The following DRC11 variants were observed in gnomAD, a reference collection of about 807,000 sequenced individuals.
The protein encoded by DRC11 is dynein regulatory complex subunit 11, also known as IQ and AAA domain-containing protein 1.
the DRC11 span, among the ~76,000 whole-genome samples, chr2:236,441,736 C>G: frequency 6.6e-6 from 1 of 152,078 alleles, no homozygotes; most frequent in East Asian, 1.9e-4. Context: ...ATTTATTGTA[C>G]GTAAGACTAT....
At chr2:236,498,111 G>C in the DRC11 span, among the ~76,000 whole-genome samples, 1 of 152,046 alleles carries the variant, frequency 6.6e-6, no homozygotes, top group Non-Finnish European at 1.5e-5. Flanking sequence ...TACAGCAAAA[G>C]GCAACCACTA....
At chr2:236,344,991 C>T in the DRC11 span, among the ~76,000 whole-genome samples, 19 of 108,044 alleles carry the variant, frequency 1.8e-4, no homozygotes, top group African/African-American at 3.3e-4. Context: ...GTTGTAAATG[C>T]GCTTCCCTCT....
chr2:236,362,484 T>C, the DRC11 span, among the ~76,000 whole-genome samples: 1 of 152,242 alleles, frequency 6.6e-6, no homozygotes, highest in Admixed American at 6.5e-5. The surrounding 1 kb of genome is among the most constrained non-coding windows in gnomAD (Gnocchi z 5.7). Context: ...GTTTTCTTAA[T>C]AACATTTTCT....
the DRC11 span, among the ~76,000 whole-genome samples, chr2:236,392,744 AC>A: frequency 6.6e-6 from 1 of 152,208 alleles, no homozygotes; most frequent in Non-Finnish European, 1.5e-5. The surrounding 1 kb of genome is among the most constrained non-coding windows in gnomAD (Gnocchi z 5.1). Context: ...CAAATGATTC[AC>A]TAAAATACGA....
chr2:236,385,678 GC>G, the DRC11 span, among the ~76,000 whole-genome samples: 1 of 6,254 alleles, frequency 1.6e-4, no homozygotes, highest in Admixed American at 1.8e-3. Context: ...AATTGCCCTG[GC>G]CAGAACTTCC....
At chr2:236,362,639 G>T in the DRC11 span, among the ~76,000 whole-genome samples, 1 of 152,144 alleles carries the variant, frequency 6.6e-6, no homozygotes, top group African/African-American at 2.4e-5. The surrounding 1 kb of genome is among the most constrained non-coding windows in gnomAD (Gnocchi z 5.7). Context: ...AAAGCTATAC[G>T]TGGATTTTCA....
At chr2:236,417,978 T>C in the DRC11 span, among the ~76,000 whole-genome samples, 4 of 152,348 alleles carry the variant, frequency 2.6e-5, no homozygotes, top group South Asian at 2.1e-4. Context: ...CAGTCTATCA[T>C]TGATGGGCAT....
At chr2:236,338,298 T>C in the DRC11 span, 15 of 1,614,008 alleles carry the variant, frequency 9.3e-6, no homozygotes, top group Non-Finnish European at 1.3e-5. Context: ...GGACGCCGTG[T>C]GGTCCCCACA....
At chr2:236,356,846 G>A in the DRC11 span, among the ~76,000 whole-genome samples, 1 of 148,722 alleles carries the variant, frequency 6.7e-6, no homozygotes. Context: ...AATGTTTATT[G>A]CATGTTCATC....
the DRC11 span, among the ~76,000 whole-genome samples, chr2:236,446,469 T>C: frequency 1.3e-5 from 2 of 152,198 alleles, no homozygotes; most frequent in Non-Finnish European, 2.9e-5. The surrounding 1 kb of genome is among the most constrained non-coding windows in gnomAD (Gnocchi z 6.2). Context: ...GACGGTTCTC[T>C]TGGTTAAAAG....
At chr2:236,419,288 T>C in the DRC11 span, 1 of 1,519,458 alleles carries the variant, frequency 6.6e-7, no homozygotes, top group Non-Finnish European at 8.8e-7. The surrounding 1 kb of genome is among the most constrained non-coding windows in gnomAD (Gnocchi z 4.8). Context: ...AAAACCAAAA[T>C]AATCATACCA....
At chr2:236,431,730 G>C in the DRC11 span, among the ~76,000 whole-genome samples, 1 of 152,150 alleles carries the variant, frequency 6.6e-6, no homozygotes, top group African/African-American at 2.4e-5. The surrounding 1 kb of genome is among the most constrained non-coding windows in gnomAD (Gnocchi z 4.2). Context: ...AACACTTTAA[G>C]TTCATCCATG....
chr2:236,422,945 T>C, the DRC11 span, among the ~76,000 whole-genome samples: 1 of 151,960 alleles, frequency 6.6e-6, no homozygotes, highest in Non-Finnish European at 1.5e-5. Context: ...AAACAAGAAA[T>C]GGGGAAAGGA....
At chr2:236,344,477 C>G in the DRC11 span, 1 of 951,980 alleles carries the variant, frequency 1.1e-6, no homozygotes, top group South Asian at 1.5e-5. Flanking sequence ...AAGACCTTCT[C>G]AAAAAGTAGA....
chr2:236,501,266 C>T, the DRC11 span, among the ~76,000 whole-genome samples: 1 of 152,296 alleles, frequency 6.6e-6, no homozygotes, highest in East Asian at 1.9e-4. Flanking sequence ...GATCCAATCA[C>T]CTCCCACCAG....
the DRC11 span, chr2:236,399,523 C>T: frequency 6.5e-7 from 1 of 1,549,384 alleles, no homozygotes; most frequent in Non-Finnish European, 8.9e-7. The surrounding 1 kb of genome is among the most constrained non-coding windows in gnomAD (Gnocchi z 7.0). Context: ...TAATCTCAGG[C>T]AAGACCGGGC....
At chr2:236,313,531 T>C in the DRC11 span, among the ~76,000 whole-genome samples, 10 of 152,170 alleles carry the variant, frequency 6.6e-5, 1 homozygote, top group South Asian at 4.1e-4. The surrounding 1 kb of genome is among the most constrained non-coding windows in gnomAD (Gnocchi z 4.5). Flanking sequence ...TAAACATACA[T>C]AGAACTAGCA....
chr2:236,465,037 A>G, the DRC11 span, among the ~76,000 whole-genome samples: 1 of 152,004 alleles, frequency 6.6e-6, no homozygotes, highest in Non-Finnish European at 1.5e-5. This position sits in a 1 kb window ranked among gnomAD's most constrained non-coding sequence, Gnocchi z 6.2. Flanking sequence ...ATATTTCTTT[A>G]TAGCAATGCA....
chr2:236,366,760 T>G, the DRC11 span, among the ~76,000 whole-genome samples: 1 of 150,038 alleles, frequency 6.7e-6, no homozygotes, highest in African/African-American at 2.5e-5. Context: ...TCTTTCTTTC[T>G]CTTTTATTCC....
Sources: gnomAD v4.1 joint callset for allele counts (sites outside exome capture counted in the v4.1 genomes callset) on GRCh38, gnomAD v4.1.1 for gene constraint, Gnocchi (gnomAD v3.1) non-coding constraint, MANE v1.5 for transcripts, NCBI Gene and HGNC (gene_info 2026-07-23, HGNC 2026-07-21) for gene names.